SHANK2: variants seen among roughly 807,000 people sequenced by gnomAD.
SHANK2 encodes SH3 and multiple ankyrin repeat domains protein 2.
A neutral mutation model predicts 133.7 loss-of-function variants in SHANK2; 43 were observed. That is an observed-to-expected ratio of 0.32 (90% CI 0.25 to 0.41). SHANK2 has a LOEUF of 0.41. Ranked by LOEUF, SHANK2 falls within the 10% of genes least tolerant of loss-of-function variation. The pLI is 1.00. For synonymous variants in SHANK2, 1,017 were observed against 952.8 expected (o/e 1.07, Z -1.24); for missense variants, 1,994 against 2,235.8 (o/e 0.89, Z 2.18).
chr11:70,772,813 C>T (rs181447261), intron 14 of SHANK2, among the ~76,000 whole-genome samples: 39 of 152,292 alleles, frequency 2.6e-4, no homozygotes, highest in African/African-American at 8.4e-4. Context: ...TTTGCCCTGT[C>T]GTTTCTTTTC....
At chr11:70,531,198 A>G (rs1359998106) in intron 17 of SHANK2, among the ~76,000 whole-genome samples, 1 of 149,970 alleles carries the variant, frequency 6.7e-6, no homozygotes, top group Non-Finnish European at 1.5e-5. Flanking sequence ...GGCTAAGATT[A>G]TAGAGTTTAC....
intron 1 of SHANK2, among the ~76,000 whole-genome samples, chr11:71,251,081 G>A (rs572630006): frequency 6.6e-6 from 1 of 151,652 alleles, no homozygotes; most frequent in Non-Finnish European, 1.5e-5. Context: ...AGAGCCTTAC[G>A]TACTTTCGCC....
chr11:70,578,167 G>A (rs1296208942), intron 17 of SHANK2, among the ~76,000 whole-genome samples: 2 of 152,172 alleles, frequency 1.3e-5, no homozygotes, highest in African/African-American at 4.8e-5. Flanking sequence ...CTGTACTCTC[G>A]CCATTGCACA....
intron 15 of SHANK2, among the ~76,000 whole-genome samples, chr11:70,682,079 G>T (rs1945041770): frequency 6.6e-6 from 1 of 152,136 alleles, no homozygotes; most frequent in Admixed American, 6.5e-5. Context: ...CTGCTGGAGG[G>T]TGCTTTGTGA....
rs191075746 is a variant in SHANK2, at chr11:70,470,854, G to A, written c.*2015C>T. 1.8e-4 allele frequency: 28 copies of A among 155,644 alleles called. No individual in the cohort carries two copies. Among genetic ancestry groups the A allele is most frequent in the East Asian group, 9.2e-4 (5 of 5,432 alleles). The allele number at this position is 155,644 out of a possible 1,614,324, so 9.6% of individuals were successfully genotyped here. The stretch of plus-strand genomic sequence containing the variant: ...CAGGGGTGTGTGACTGGAAAAGCGC[G>A]TGTGTGTGGTGTGTGTTTTGTTTTT... On this transcript the variant is annotated 3_prime_UTR_variant, in exon 26 of 26. Coordinates refer to ENST00000601538, the MANE Select transcript of SHANK2 (RefSeq NM_012309.5).
intron 11 of SHANK2, among the ~76,000 whole-genome samples, chr11:70,851,208 A>G (rs1187958509): frequency 6.6e-5 from 10 of 152,112 alleles, no homozygotes; most frequent in Non-Finnish European, 1.3e-4. Flanking sequence ...TTCCTTCAGA[A>G]AAGATCTTCT....
chr11:70,808,964 G>A (rs1948222792), intron 12 of SHANK2, among the ~76,000 whole-genome samples: 2 of 152,170 alleles, frequency 1.3e-5, no homozygotes. Context: ...CTTGCTGTAT[G>A]TCATTGATTT....
intron 17 of SHANK2, among the ~76,000 whole-genome samples, chr11:70,544,145 C>T (rs1353650454): frequency 2.0e-5 from 3 of 152,168 alleles, no homozygotes; most frequent in African/African-American, 7.2e-5. Flanking sequence ...CCCTGACCTC[C>T]CATCCTGTGC....
chr11:70,900,615 C>T (rs549430315), intron 10 of SHANK2, among the ~76,000 whole-genome samples: 92 of 152,296 alleles, frequency 6.0e-4, no homozygotes, highest in African/African-American at 2.1e-3. Context: ...TAAGCCCAGG[C>T]ACCTCCCTGC....
intron 17 of SHANK2, among the ~76,000 whole-genome samples, chr11:70,651,531 A>C (rs1374817545): frequency 6.6e-6 from 1 of 152,218 alleles, no homozygotes; most frequent in Non-Finnish European, 1.5e-5. Context: ...ATTAAGCCTC[A>C]GAGAGCAGAC....
rs547004114 is a variant in SHANK2, at chr11:70,825,017, T to G, written c.1175-4335A>C. 5.9e-5 allele frequency among the ~76,000 whole-genome samples: 9 copies of G among 152,122 alleles called. No homozygotes were observed. The East Asian group carries it at 1.7e-3, about 29-fold the overall frequency. ...GAGAGGCCACGGCTCTCCCTACCCA[T>G]GTGGAGGAGACATCACAGGGCCCCC... On this transcript the variant is annotated intron_variant, in intron 11 of 25. Coordinates refer to ENST00000601538, the MANE Select transcript of SHANK2 (RefSeq NM_012309.5).
rs186448722 is a variant in SHANK2, at chr11:70,953,971, A to G, written c.1108-57404T>C. On this transcript the variant is annotated intron_variant, in intron 10 of 25. Coordinates refer to ENST00000601538, the MANE Select transcript of SHANK2 (RefSeq NM_012309.5). ...GCACCTCTAGGAGAGCCGTGTGTGT[A>G]TGTGTGTGTGTGTCTAATAGACAGT... 3.3e-5 allele frequency among the ~76,000 whole-genome samples: 5 copies of G among 152,144 alleles called. 1 individual carries two copies. The highest frequency in any genetic ancestry group is 3.3e-4 in the Admixed American group (5 of 15,272).
chr11:70,923,847 C>G (rs1590837867), intron 10 of SHANK2, among the ~76,000 whole-genome samples: 1 of 152,234 alleles, frequency 6.6e-6, no homozygotes, highest in African/African-American at 2.4e-5. Context: ...GCCGCCACAC[C>G]TGGCCAAGCA....
At chr11:70,769,316 C>T (rs559252862) in intron 14 of SHANK2, among the ~76,000 whole-genome samples, 1 of 152,288 alleles carries the variant, frequency 6.6e-6, no homozygotes, top group East Asian at 1.9e-4. Context: ...CCTTTGCTCG[C>T]AGACATGTCC....
chr11:70,816,776 C>T (rs1555054465), intron 12 of SHANK2, among the ~76,000 whole-genome samples: 1 of 152,208 alleles, frequency 6.6e-6, no homozygotes, highest in African/African-American at 2.4e-5. Flanking sequence ...GTTTCCCTAT[C>T]TCAATAAAGG....
intron 15 of SHANK2, among the ~76,000 whole-genome samples, chr11:70,671,300 G>C (rs571547353): frequency 1.3e-5 from 2 of 152,198 alleles, no homozygotes; most frequent in Admixed American, 1.3e-4. Flanking sequence ...CTAGGAGGGA[G>C]AATGCCGGCC....
At chr11:70,524,236 G>A (rs566934763) in intron 17 of SHANK2, among the ~76,000 whole-genome samples, 2 of 152,334 alleles carry the variant, frequency 1.3e-5, no homozygotes, top group African/African-American at 2.4e-5. Context: ...CCCCCTGGGG[G>A]GCAGTGCAGC....
At chr11:70,521,790 G>A (rs141123684) in intron 17 of SHANK2, among the ~76,000 whole-genome samples, 4 of 152,164 alleles carry the variant, frequency 2.6e-5, no homozygotes, top group Non-Finnish European at 5.9e-5. Context: ...CCTTTCCCAC[G>A]TAACAACACC....
chr11:70,868,768 T>C (rs1202319616), intron 11 of SHANK2, among the ~76,000 whole-genome samples: 1 of 151,722 alleles, frequency 6.6e-6, no homozygotes, highest in Non-Finnish European at 1.5e-5. Flanking sequence ...AAAGCCCTGT[T>C]TGGACACAAC....
Sources: allele counts gnomAD v4.1 joint callset (sites outside exome capture counted in the v4.1 genomes callset), GRCh38; gene constraint gnomAD v4.1.1; transcripts MANE v1.5; gene names NCBI Gene and HGNC (gene_info 2026-07-23, HGNC 2026-07-21).